Variants in CYTH1 observed in about 807,000 individuals in gnomAD.
CYTH1 encodes the protein cytohesin-1.
In CYTH1, 18 loss-of-function variants were observed where a neutral mutation model predicts 61.8. The ratio of observed to expected loss-of-function variants is 0.29; its 90% CI spans 0.20 to 0.43. CYTH1 has a LOEUF of 0.43. CYTH1 is among the 20% of genes least tolerant of loss of function. The pLI is 1.00. For synonymous variants in CYTH1, 174 were observed against 184.3 expected, an observed-to-expected ratio of 0.94 and a Z score of 0.45; for missense variants, 336 against 510.5, an observed-to-expected ratio of 0.66 and a Z score of 3.29.
intron 1 of CYTH1, among the ~76,000 whole-genome samples, chr17:78,730,369 C>CAAAAAAAAAAA (rs56790957): frequency 4.2e-5 from 4 of 95,264 alleles, no homozygotes; most frequent in South Asian, 3.9e-4. Context: ...ACTAAAAATA[C>CAAAAAAAAAAA]AAAAAAAAAA....
At chr17:78,676,469 T>G (rs1482518198) in intron 13 of CYTH1, 1 of 384,086 alleles carries the variant, frequency 2.6e-6, no homozygotes, top group Non-Finnish European at 4.8e-6. Flanking sequence ...ACAGCTATAT[T>G]CCAATTCAGA....
chr17:78,752,153 C>T (rs1032208869), intron 1 of CYTH1, among the ~76,000 whole-genome samples: 1 of 152,200 alleles, frequency 6.6e-6, no homozygotes, highest in Non-Finnish European at 1.5e-5. Flanking sequence ...AATAAGGACT[C>T]CTCCATCTCC....
At chr17:78,743,086 T>C (rs992685984) in intron 1 of CYTH1, among the ~76,000 whole-genome samples, 2 of 152,274 alleles carry the variant, frequency 1.3e-5, no homozygotes, top group Admixed American at 6.5e-5. Context: ...AAAAAAGTAA[T>C]TGGAAAATGT....
intron 7 of CYTH1, among the ~76,000 whole-genome samples, chr17:78,699,251 C>T (rs1364675374): frequency 6.6e-6 from 1 of 151,994 alleles, no homozygotes. Flanking sequence ...GTAATCCCAG[C>T]AACTTGGGAG....
At chr17:78,701,474 C>T (rs72848580) in intron 6 of CYTH1, among the ~76,000 whole-genome samples, 197 bp downstream of exon 6, 2,875 of 152,242 alleles carry the variant, frequency 0.019, 52 homozygotes, top group Non-Finnish European at 0.032. Flanking sequence ...GCCTCCAGAA[C>T]GTAACAGAAT....
intron 10 of CYTH1, among the ~76,000 whole-genome samples, chr17:78,695,489 T>C (rs939961628): frequency 6.6e-6 from 1 of 152,222 alleles, no homozygotes; most frequent in Admixed American, 6.5e-5. Flanking sequence ...CTTTCCCTAG[T>C]TTGCTTTTCC....
chr17:78,764,198 C>CTTT (rs534021959), intron 1 of CYTH1, among the ~76,000 whole-genome samples: 6 of 140,500 alleles, frequency 4.3e-5, no homozygotes, highest in African/African-American at 1.3e-4. Flanking sequence ...ATCTAAATGT[C>CTTT]TTTTTTTTTT....
intron 1 of CYTH1, among the ~76,000 whole-genome samples, chr17:78,742,130 C>G (rs538796968): frequency 3.9e-5 from 6 of 152,240 alleles, no homozygotes; most frequent in Non-Finnish European, 7.3e-5. Context: ...GCCTCCTCAG[C>G]TCCTACTAGT....
chr17:78,745,557 T>C (rs986439263), intron 1 of CYTH1, among the ~76,000 whole-genome samples: 65 of 152,238 alleles, frequency 4.3e-4, no homozygotes, highest in African/African-American at 1.5e-3. Context: ...GCTGGCTACA[T>C]GAAAAGATTG....
At chr17:78,782,103 C>T (rs1224647327) in intron 1 of CYTH1, 99 bp downstream of exon 1, 2 of 1,095,480 alleles carry the variant, frequency 1.8e-6, no homozygotes, top group East Asian at 7.8e-5. Flanking sequence ...ACCAGTGTCC[C>T]CGGGAAACGC....
intron 5 of CYTH1, 86 bp downstream of exon 5, chr17:78,702,036 A>C (rs2093015682): frequency 8.5e-7 from 1 of 1,178,000 alleles, no homozygotes; most frequent in East Asian, 2.3e-5. Flanking sequence ...AACCCCTCCA[A>C]GAACTTCAGA....
intron 1 of CYTH1, among the ~76,000 whole-genome samples, chr17:78,767,754 C>T (rs528808914): frequency 5.3e-5 from 8 of 151,568 alleles, no homozygotes; most frequent in African/African-American, 1.5e-4. Flanking sequence ...GAGGTAACAC[C>T]AGAATGAAAG....
chr17:78,733,813 G>A (rs1248381563), intron 1 of CYTH1, among the ~76,000 whole-genome samples: 1 of 152,248 alleles, frequency 6.6e-6, no homozygotes, highest in East Asian at 1.9e-4. Context: ...AGCAACAATG[G>A]GCACACCACA....
intron 10 of CYTH1, 91 bp from the exon 11 acceptor site, chr17:78,692,584 G>C (rs2092899574): frequency 2.4e-6 from 3 of 1,259,000 alleles, no homozygotes; most frequent in Non-Finnish European, 3.5e-6. Flanking sequence ...TTCTCAGAGA[G>C]GGTTGGGGGA....
At chr17:78,689,889 G>A (rs562878503) in intron 11 of CYTH1, among the ~76,000 whole-genome samples, 13 of 152,016 alleles carry the variant, frequency 8.6e-5, no homozygotes, top group African/African-American at 2.4e-4. Flanking sequence ...CGAGACTGCC[G>A]GGTCTCCTCA....
At chr17:78,702,450 C>T (rs1206506408) in intron 4 of CYTH1, 88 bp downstream of exon 4, 100 of 1,425,976 alleles carry the variant, frequency 7.0e-5, no homozygotes, top group Non-Finnish European at 8.9e-5. Context: ...AACTGTAACG[C>T]TTGGAAAAAA....
chr17:78,776,962 G>A (rs112981966), intron 1 of CYTH1, among the ~76,000 whole-genome samples: 7,800 of 151,580 alleles, frequency 0.051, 681 homozygotes, highest in African/African-American at 0.18. Flanking sequence ...CCTGTCTCCA[G>A]TAAAAATACA....
At chr17:78,749,931 C>T (rs2093373339) in intron 1 of CYTH1, among the ~76,000 whole-genome samples, 1 of 152,106 alleles carries the variant, frequency 6.6e-6, no homozygotes, top group South Asian at 2.1e-4. Flanking sequence ...CAAAGAAATA[C>T]CAAGTGCTCC....
rs959182268 is a variant in CYTH1 at position 78,768,905 on chromosome 17, G to A, written c.22+13297C>T. 3.9e-5 allele frequency among the ~76,000 whole-genome samples: 6 copies of A among 152,066 alleles called. No homozygotes were observed. In the East Asian group the frequency reaches 1.2e-3, roughly 29 times the overall value. ...CGCAGTGCCTCACACCAGCACCTTG[G>A]GAGATGGAGGTTGGCAAATCACTTG... is the stretch of plus-strand genomic sequence containing the variant. On this transcript the variant is annotated intron_variant, in intron 1 of 13. Transcript: ENST00000446868.
Sources: allele counts gnomAD v4.1 joint callset (sites outside exome capture counted in the v4.1 genomes callset), GRCh38; gene constraint gnomAD v4.1.1; transcripts MANE v1.5; gene names NCBI Gene and HGNC (gene_info 2026-07-23, HGNC 2026-07-21).